IL27RA: variants seen among roughly 807,000 people sequenced by gnomAD.
IL27RA encodes the protein interleukin 27 receptor subunit alpha.
IL27RA carries 61 observed loss-of-function variants against 80.8 expected under a neutral mutation model. That is an observed-to-expected ratio of 0.76 (90% CI 0.61 to 0.93). The LOEUF is 0.93. Ranked by LOEUF, IL27RA falls within the 40% of genes least tolerant of loss-of-function variation. The probability of loss-of-function intolerance (pLI) is 0.00; values close to 1 mark genes in which losing one functional copy is unlikely to be tolerated. For missense variants in IL27RA, 735 were observed against 808.1 expected, an observed-to-expected ratio of 0.91 and a Z score of 1.10; for synonymous variants, 316 against 332.5, an observed-to-expected ratio of 0.95 and a Z score of 0.54.
Position 14,050,820 on chromosome 19 carries a change from G to A in IL27RA, c.1465G>A (p.Val489Met). 6.2e-7 allele frequency: 1 copy of A among 1,613,620 alleles called. No homozygotes were observed. Residue 489 changes from valine to methionine, a missense_variant, in exon 11 of 14, where the codon GTG (valine) becomes ATG (methionine). By Grantham distance (21) the Val-to-Met change is conservative. Transcript: ENST00000263379. ...DLPWGPCELW[V>M]TASTIAGQGP... ...TCCTTGGGGTCCCTGTGAGCTGTGG[G>A]TGACAGCATCTACCATCGCTGGACA...
chr19:14,052,213 G>T lies in IL27RA; in HGVS notation c.1834G>T (p.Gly612Trp). The change falls in exon 14 of 14, where the codon GGG becomes TGG. Residue 612 changes from glycine (G) to tryptophan (W), a missense_variant. Coordinates refer to ENST00000263379, the MANE Select transcript of IL27RA (RefSeq NM_004843.4). The stretch of plus-strand genomic sequence containing the variant: ...CCAGGCCACCGCCCCGCTTGACTCT[G>T]GGTATGAGAAGCACTTCCTGCCCAC... ...PAQATAPLDS[G>W]YEKHFLPTPE... 2 of 1,602,200 alleles carry T rather than the reference G, an allele frequency of 1.2e-6. No individual in the cohort carries two copies. Among genetic ancestry groups the T allele is most frequent in the Non-Finnish European group, 8.5e-7 (1 of 1,174,590 alleles).
chr19:14,042,878 C>A, intron 6 of IL27RA, 89 bp downstream of exon 6: 1 of 1,179,796 alleles, frequency 8.5e-7, no homozygotes, highest in African/African-American at 1.5e-5. Context: ...GTGGCTCACG[C>A]TTGTAATCCC....
intron 8 of IL27RA, among the ~76,000 whole-genome samples, chr19:14,047,505 C>T (rs934623230): frequency 2.6e-5 from 4 of 151,028 alleles, no homozygotes; most frequent in African/African-American, 7.3e-5. Flanking sequence ...CACAGGCCCC[C>T]ACCGCCATGC....
chr19:14,031,878 G>A lies in IL27RA; in HGVS notation c.6G>A (p.Arg2=). 1 of 1,597,392 alleles carries A rather than the reference G, an allele frequency of 6.3e-7. No individual in the cohort carries two copies. The highest frequency in any genetic ancestry group is 8.5e-7 in the Non-Finnish European group (1 of 1,173,250). The change falls in exon 1 of 14, where the codon CGG becomes CGA. Residue 2 remains arginine (R), a synonymous_variant. Coordinates refer to ENST00000263379, the MANE Select transcript of IL27RA (RefSeq NM_004843.4). M[R]GGRGAPFWLW... is the part of the protein sequence containing the mutation. The stretch of plus-strand genomic sequence containing the variant: ...CGGGGCTCCCGAGGGACGCCATGCG[G>A]GGAGGCAGGGGCGCCCCTTTCTGGC...
At chr19:14,044,708 C>T (rs959870436) in intron 6 of IL27RA, among the ~76,000 whole-genome samples, 3 of 151,134 alleles carry the variant, frequency 2.0e-5, no homozygotes, top group Non-Finnish European at 4.4e-5. Context: ...TATTTTGGAC[C>T]GAGTGGGTGG....
intron 4 of IL27RA, 126 bp downstream of exon 4, chr19:14,040,036 A>G (rs540624044): frequency 3.2e-6 from 3 of 924,910 alleles, no homozygotes; most frequent in East Asian, 2.5e-5. Flanking sequence ...CTCCCACTCA[A>G]AATGCCTGCA....
Position 14,052,110 on chromosome 19 carries a change from C to T in IL27RA, c.1731C>T (p.Ala577=). The change falls in exon 14 of 14, where the codon GCC becomes GCT. Residue 577 remains alanine (A), a synonymous_variant. Transcript: ENST00000263379. ...GQPHMEQVPE[A]QPLGDLPILE... is the part of the protein sequence containing the mutation. ...TCTCTTCCCAGCAAGTACCTGAGGC[C>T]CAGCCCCTTGGGGACTTGCCCATCC... 6.2e-7 allele frequency: 1 copy of T among 1,613,252 alleles called. No homozygotes were observed. Among genetic ancestry groups the T allele is most frequent in the Non-Finnish European group, 8.5e-7 (1 of 1,179,754 alleles).
intron 2 of IL27RA, 34 bp downstream of exon 2, chr19:14,032,537 T>C: frequency 6.8e-7 from 1 of 1,464,870 alleles, no homozygotes; most frequent in Non-Finnish European, 9.5e-7. Flanking sequence ...GGAAACAGGC[T>C]TTGGAGGTGG....
chr19:14,048,908 AG>A (rs1976111182), intron 8 of IL27RA, 72 bp from the exon 9 acceptor site: 1 of 1,299,534 alleles, frequency 7.7e-7, no homozygotes, highest in Non-Finnish European at 1.1e-6. Flanking sequence ...TGGGGACCCC[AG>A]TGAAGACACC....
Position 14,050,738 on chromosome 19 carries a change from T to C in IL27RA, c.1403-20T>C. 1 of 1,598,774 alleles carries C rather than the reference T, an allele frequency of 6.3e-7. No individual in the cohort carries two copies. The highest frequency in any genetic ancestry group is 1.3e-5 in the African/African-American group (1 of 74,742). ...GGTAGGCTTGACCACCTCCCCAACT[T>C]CTTTGGTTGTGTTCTCCAGTGAGTG... On this transcript the variant is annotated intron_variant, in intron 10 of 13. Coordinates refer to ENST00000263379, the MANE Select transcript of IL27RA (RefSeq NM_004843.4).
intron 6 of IL27RA, 21 bp downstream of exon 6, chr19:14,042,810 A>G (rs757851653): frequency 1.9e-6 from 3 of 1,605,880 alleles, no homozygotes; most frequent in South Asian, 1.1e-5. Context: ...GGCACCAGTT[A>G]CATTTCTCTG....
In IL27RA at chr19:14,052,295, C is replaced by T; in HGVS notation, c.*5C>T. ...AGGCCACAGGTTCTGGCCTGAACCA[C>T]ACGTCTGGCTGGGGGCTGCCAGCCA... On this transcript the variant is annotated 3_prime_UTR_variant, in exon 14 of 14. Coordinates refer to ENST00000263379, the MANE Select transcript of IL27RA (RefSeq NM_004843.4). The T allele has an allele frequency of 2.0e-6, 3 of 1,483,356 alleles. No homozygotes were observed. The highest frequency in any genetic ancestry group is 2.7e-6 in the Non-Finnish European group (3 of 1,117,642). The allele number at this position is 1,483,356 out of a possible 1,614,324, so 91.9% of individuals were successfully genotyped here.
chr19:14,049,781 T>C (rs1251378720), intron 10 of IL27RA, among the ~76,000 whole-genome samples: 1 of 151,808 alleles, frequency 6.6e-6, no homozygotes, highest in African/African-American at 2.4e-5. Flanking sequence ...AGTTTCACCA[T>C]GTTGGTCAGA....
At chr19:14,038,702 T>C (rs1975942100) in intron 2 of IL27RA, among the ~76,000 whole-genome samples, 1 of 149,596 alleles carries the variant, frequency 6.7e-6, no homozygotes, top group South Asian at 2.1e-4. Context: ...CTGACCAACA[T>C]GGAGAAACCC....
At chr19:14,048,698 C>T (rs1031936230) in intron 8 of IL27RA, among the ~76,000 whole-genome samples, 3 of 152,170 alleles carry the variant, frequency 2.0e-5, no homozygotes, top group East Asian at 3.8e-4. Context: ...ACCCCAGCTC[C>T]GTCCCCCTGA....
rs779477767 is a variant in IL27RA, at chr19:14,052,159, C to A, written c.1780C>A (p.Pro594Thr). Reference sequence around the variant, plus strand: ...CCTGGAAGTGGAGGAGATGGAGCCCCCGCCGGTTATGGAGTCCTCCCAGCC... The same window carrying A: ...CCTGGAAGTGGAGGAGATGGAGCCCACGCCGGTTATGGAGTCCTCCCAGCC... Reference protein sequence around the residue: ...PILEVEEMEPPPVMESSQPAQ... With the variant: ...PILEVEEMEPTPVMESSQPAQ... The change falls in exon 14 of 14, where the codon CCG becomes ACG. Residue 594 changes from proline (P) to threonine (T), a missense_variant. Transcript: ENST00000263379. 2 of 1,613,280 alleles carry A rather than the reference C, an allele frequency of 1.2e-6. No individual in the cohort carries two copies. The highest frequency in any genetic ancestry group is 2.7e-5 in the African/African-American group (2 of 74,908).
chr19:14,038,430 T>C (rs1355709954), intron 2 of IL27RA, among the ~76,000 whole-genome samples: 1 of 151,862 alleles, frequency 6.6e-6, no homozygotes, highest in African/African-American at 2.4e-5. Context: ...ATTTAAAAAT[T>C]AGCTGAACAT....
chr19:14,031,841 C>T lies in IL27RA; in HGVS notation c.-32C>T. 1.3e-6 allele frequency: 2 copies of T among 1,552,798 alleles called. No individual in the cohort carries two copies. The highest frequency in any genetic ancestry group is 2.3e-5 in the South Asian group (2 of 85,638). ...GCGCGGCCGCGCGGACCCGGCAAGG[C>T]TGGGCCGGACTCGGGGCTCCCGAGG... On this transcript the variant is annotated 5_prime_UTR_variant, in exon 1 of 14. Coordinates refer to ENST00000263379, the MANE Select transcript of IL27RA (RefSeq NM_004843.4).
chr19:14,052,554 T>G lies in IL27RA; in HGVS notation c.*264T>G. ...TGAGAGTGGCAGCTGCCTGCCAAAA[T>G]CTGTTCCGCTGTAACAGAACTGAAT... On this transcript the variant is annotated 3_prime_UTR_variant, in exon 14 of 14. Coordinates refer to ENST00000263379, the MANE Select transcript of IL27RA (RefSeq NM_004843.4). 1 of 391,452 alleles carries G rather than the reference T, an allele frequency of 2.6e-6. No individual in the cohort carries two copies. The highest frequency in any genetic ancestry group is 4.5e-6 in the Non-Finnish European group (1 of 219,966). The allele number at this position is 391,452 out of a possible 1,614,324, so 24.2% of individuals were successfully genotyped here.
Sources: gnomAD v4.1 joint callset for allele counts (sites outside exome capture counted in the v4.1 genomes callset) on GRCh38, gnomAD v4.1.1 for gene constraint, MANE v1.5 for transcripts, NCBI Gene and HGNC (gene_info 2026-07-23, HGNC 2026-07-21) for gene names.